SYN3: variants seen among roughly 807,000 people sequenced by gnomAD.
The protein encoded by SYN3 is synapsin-3.
SYN3 carries 35 observed loss-of-function variants against 65.8 expected under a neutral mutation model. That is an observed-to-expected ratio of 0.53 (90% confidence interval 0.41 to 0.70). The LOEUF (loss-of-function observed/expected upper bound fraction) is 0.70, where lower values mean the gene tolerates loss of function less well. SYN3 is among the 30% of genes least tolerant of loss of function. The pLI, the probability that SYN3 is intolerant of heterozygous loss-of-function variation, is 0.00. For missense variants in SYN3, 680 were observed against 749.0 expected (o/e 0.91, Z 1.08); for synonymous variants, 270 against 292.9 (o/e 0.92, Z 0.80).
chr22:32,865,102 G>A (rs2048655909), intron 5 of SYN3, 98 bp from the exon 6 acceptor site: 1 of 983,010 alleles, frequency 1.0e-6, no homozygotes, highest in Admixed American at 1.8e-5. Context: ...ACTGTTCTGA[G>A]CCGAGCTTCA....
intron 6 of SYN3, among the ~76,000 whole-genome samples, chr22:32,617,246 C>T (rs2059533459): frequency 6.6e-6 from 1 of 152,180 alleles, no homozygotes; most frequent in Admixed American, 6.5e-5. Context: ...GAAGGACCCT[C>T]CTCATCTGTC....
At chr22:32,807,423 T>TTA (rs546588724) in intron 6 of SYN3, among the ~76,000 whole-genome samples, 4 of 128,748 alleles carry the variant, frequency 3.1e-5, no homozygotes, top group Non-Finnish European at 4.7e-5. Flanking sequence ...TACATATATA[T>TTA]TATATATATA....
Position 32,952,677 on chromosome 22 carries a change from C to T in SYN3, c.370-21196G>A, listed in dbSNP as rs976110999. The stretch of plus-strand genomic sequence containing the variant: ...ACTCGAAGCGGAAGGCTCACTCGAG[C>T]CCACGAGTTCAAGGCTGCAGTGAGC... On this transcript the variant is annotated intron_variant, in intron 3 of 13. Transcript: ENST00000358763. 2.6e-5 allele frequency among the ~76,000 whole-genome samples: 4 copies of T among 152,212 alleles called. No homozygotes were observed. In the South Asian group the frequency reaches 6.2e-4, roughly 24 times the overall value.
intron 6 of SYN3, among the ~76,000 whole-genome samples, chr22:32,797,299 G>C (rs2046453144): frequency 6.6e-6 from 1 of 152,192 alleles, no homozygotes; most frequent in Non-Finnish European, 1.5e-5. Context: ...TAAACTCGTT[G>C]TTACCAACAC....
intron 6 of SYN3, among the ~76,000 whole-genome samples, chr22:32,650,594 A>G (rs562197253): frequency 1.3e-5 from 2 of 152,098 alleles, no homozygotes; most frequent in South Asian, 4.2e-4. Context: ...TTCAATCTTC[A>G]CAATAATGCT....
intron 1 of SYN3, among the ~76,000 whole-genome samples, chr22:33,027,802 C>T (rs572418905): frequency 4.0e-4 from 61 of 152,104 alleles, no homozygotes; most frequent in Admixed American, 1.9e-3. Context: ...ATTGTTGTGC[C>T]GAAAATTCTC....
At chr22:32,937,840 C>A (rs905679685) in intron 3 of SYN3, among the ~76,000 whole-genome samples, 1 of 151,294 alleles carries the variant, frequency 6.6e-6, no homozygotes. Context: ...AAAATACACA[C>A]AAAAAAAAGC....
At chr22:32,858,769 A>T (rs941875192) in intron 6 of SYN3, among the ~76,000 whole-genome samples, 38 of 152,110 alleles carry the variant, frequency 2.5e-4, no homozygotes, top group African/African-American at 8.7e-4. Context: ...CCCACAGTTC[A>T]CTGAATCTGG....
chr22:32,986,565 C>T (rs898779717), intron 2 of SYN3, among the ~76,000 whole-genome samples: 3 of 152,136 alleles, frequency 2.0e-5, no homozygotes, highest in African/African-American at 7.2e-5. Flanking sequence ...CTCATTCAGG[C>T]TTCAGCCGCC....
At chr22:32,543,806 C>A (rs570581865) in intron 7 of SYN3, among the ~76,000 whole-genome samples, 1 of 152,300 alleles carries the variant, frequency 6.6e-6, no homozygotes, top group East Asian at 1.9e-4. Flanking sequence ...CTTCCCCGTC[C>A]TTTTTCCTTC....
At chr22:33,035,329 G>A (rs2053833061) in intron 1 of SYN3, among the ~76,000 whole-genome samples, 1 of 27,032 alleles carries the variant, frequency 3.7e-5, no homozygotes, top group African/African-American at 1.0e-4. Context: ...AAAATCTCGG[G>A]ACCCCCCCCC....
chr22:33,031,482 C>T (rs2053754738), intron 1 of SYN3, among the ~76,000 whole-genome samples: 1 of 151,548 alleles, frequency 6.6e-6, no homozygotes, highest in African/African-American at 2.4e-5. Context: ...ACCGACATCT[C>T]CCCACTGGAC....
chr22:32,806,336 C>A (rs1168236222), intron 6 of SYN3, among the ~76,000 whole-genome samples: 1 of 152,152 alleles, frequency 6.6e-6, no homozygotes, highest in Non-Finnish European at 1.5e-5. Context: ...GTTTGTTTTG[C>A]ATGAACAGCA....
chr22:32,944,407 G>A (rs577413381), intron 3 of SYN3, among the ~76,000 whole-genome samples: 413 of 152,178 alleles, frequency 2.7e-3, no homozygotes, highest in African/African-American at 9.1e-3. Flanking sequence ...ATCAATAAAC[G>A]TAATCCAGCA....
Position 32,509,322 on chromosome 22 carries a change from C to T in SYN3, c.*4370G>A, listed in dbSNP as rs1396481869. Among the ~76,000 whole-genome samples the T allele has an allele frequency of 6.6e-6, 1 of 152,078 alleles. No individual in the cohort carries two copies. Among genetic ancestry groups the T allele is most frequent in the Non-Finnish European group, 1.5e-5 (1 of 68,002 alleles). On this transcript the variant is annotated 3_prime_UTR_variant, in exon 14 of 14. Transcript: ENST00000358763. ...AGGGAAAATGCTAGCCTCTCTCTGG[C>T]TCAAAGTTGTGAAACAAAGCAAGAA...
intron 1 of SYN3, among the ~76,000 whole-genome samples, chr22:33,025,833 A>G (rs2053633864): frequency 6.6e-6 from 1 of 152,182 alleles, no homozygotes; most frequent in Non-Finnish European, 1.5e-5. Flanking sequence ...TCTCCTGCCC[A>G]CTGACTTTGG....
chr22:32,871,976 C>A (rs1204590592), intron 4 of SYN3, among the ~76,000 whole-genome samples: 2 of 152,064 alleles, frequency 1.3e-5, no homozygotes, highest in Non-Finnish European at 2.9e-5. Context: ...GCCACACAAG[C>A]CACACTGACC....
intron 2 of SYN3, among the ~76,000 whole-genome samples, chr22:32,995,560 G>A (rs1459685146): frequency 6.6e-6 from 1 of 152,134 alleles, no homozygotes; most frequent in Non-Finnish European, 1.5e-5. Flanking sequence ...GGTGGACGCA[G>A]CATGTCCTGA....
chr22:32,646,022 T>C (rs992773387), intron 6 of SYN3, among the ~76,000 whole-genome samples: 1 of 152,134 alleles, frequency 6.6e-6, no homozygotes, highest in Admixed American at 6.5e-5. Context: ...GGTAGAACTA[T>C]GTCACTGGAG....
Sources: allele counts gnomAD v4.1 joint callset (sites outside exome capture counted in the v4.1 genomes callset), GRCh38; gene constraint gnomAD v4.1.1; transcripts MANE v1.5; gene names NCBI Gene and HGNC (gene_info 2026-07-23, HGNC 2026-07-21).